The following ROBO2 variants were observed in gnomAD, a reference collection of about 807,000 sequenced individuals.
ROBO2 encodes the protein roundabout guidance receptor 2, also known as roundabout homolog 2.
Under a neutral mutation model 160.8 loss-of-function variants are expected in ROBO2, and 53 were observed. The observed-to-expected ratio is 0.33, with a 90% CI of 0.26 to 0.41. ROBO2 has a LOEUF of 0.41. Ranked by LOEUF, ROBO2 falls within the 10% of genes least tolerant of loss-of-function variation. The pLI is 1.00. For missense variants in ROBO2, 1,577 were observed against 1,722.4 expected, an observed-to-expected ratio of 0.92 and a Z score of 1.49; for synonymous variants, 664 against 611.7, an observed-to-expected ratio of 1.09 and a Z score of -1.26.
intron 1 of ROBO2, among the ~76,000 whole-genome samples, chr3:75,908,358 A>G (rs1946437080): frequency 6.6e-6 from 1 of 152,128 alleles, no homozygotes; most frequent in Non-Finnish European, 1.5e-5. Context: ...CAACAAATAA[A>G]ACTTGCATAT....
intron 2 of ROBO2, among the ~76,000 whole-genome samples, chr3:76,615,455 A>G (rs975999949): frequency 4.6e-5 from 7 of 152,144 alleles, no homozygotes; most frequent in African/African-American, 1.4e-4. Flanking sequence ...CCTTTTTAGT[A>G]CCATGAAATT....
intron 2 of ROBO2, among the ~76,000 whole-genome samples, chr3:77,437,526 A>T (rs1464770407): frequency 1.3e-5 from 2 of 151,970 alleles, no homozygotes; most frequent in Non-Finnish European, 2.9e-5. Flanking sequence ...AGCAAACTTT[A>T]CTGCCTATTA....
intron 2 of ROBO2, among the ~76,000 whole-genome samples, chr3:77,293,745 G>C: frequency 7.0e-6 from 1 of 142,190 alleles, no homozygotes; most frequent in Non-Finnish European, 1.5e-5. Context: ...CGGGTAAGCT[G>C]AGGCTAGATC....
chr3:76,077,131 G>A (rs1232505252), intron 2 of ROBO2, among the ~76,000 whole-genome samples: 2 of 152,118 alleles, frequency 1.3e-5, no homozygotes, highest in East Asian at 1.9e-4. Context: ...AGTATGAATG[G>A]CAACTTCAAT....
chr3:76,879,941 G>C (rs943975246), intron 2 of ROBO2, among the ~76,000 whole-genome samples: 1 of 151,986 alleles, frequency 6.6e-6, no homozygotes, highest in Non-Finnish European at 1.5e-5. Flanking sequence ...AAATGCATTG[G>C]GTTTCTGATG....
chr3:76,446,054 A>G (rs1449481886), intron 2 of ROBO2, among the ~76,000 whole-genome samples: 1 of 152,144 alleles, frequency 6.6e-6, no homozygotes, highest in East Asian at 1.9e-4. Context: ...ATCAGGCAGG[A>G]GAAAGAAATA....
At chr3:77,222,303 G>A (rs919143089) in intron 2 of ROBO2, among the ~76,000 whole-genome samples, 1 of 152,158 alleles carries the variant, frequency 6.6e-6, no homozygotes, top group Non-Finnish European at 1.5e-5. Context: ...GAATAATTAG[G>A]TATAGAGAAT....
intron 2 of ROBO2, among the ~76,000 whole-genome samples, chr3:77,261,781 T>G (rs2058791797): frequency 6.6e-6 from 1 of 151,710 alleles, no homozygotes; most frequent in Non-Finnish European, 1.5e-5. Flanking sequence ...TTTTTTTTTT[T>G]TTTTGTAAGA....
chr3:77,602,252 C>T lies in ROBO2; in HGVS notation c.2897C>T (p.Thr966Met), dbSNP rs767565581. 3.7e-5 allele frequency: 59 copies of T among 1,614,018 alleles called. No individual in the cohort carries two copies. Among genetic ancestry groups the T allele is most frequent in the South Asian group, 2.1e-4 (19 of 91,084 alleles). ...CCAGGCCAAGGGGATAAAACAGCAA[C>T]GATGCTCTCAGATGGAGCCATTTAT... Residue 966 changes from threonine to methionine, a missense_variant, in exon 20 of 26, where the codon ACG becomes ATG. By Grantham distance (81) the Thr-to-Met change is moderately conservative. This residue lies in a region of ROBO2 where 637 missense variants were observed against 586.9 expected (regional missense o/e 1.09). Coordinates refer to ENST00000461745, the Ensembl canonical transcript of ROBO2.
chr3:77,557,554 T>A (rs1194483509), intron 8 of ROBO2, among the ~76,000 whole-genome samples: 1 of 151,964 alleles, frequency 6.6e-6, no homozygotes, highest in Non-Finnish European at 1.5e-5. Flanking sequence ...TTCTTAAATA[T>A]GCATATGAGA....
At chr3:76,193,627 T>C (rs1410420946) in intron 2 of ROBO2, among the ~76,000 whole-genome samples, 1 of 152,240 alleles carries the variant, frequency 6.6e-6, no homozygotes, top group Non-Finnish European at 1.5e-5. Context: ...CTTGTTGGCA[T>C]ATGCCCATAG....
At chr3:76,575,261 G>A (rs530885409) in intron 2 of ROBO2, among the ~76,000 whole-genome samples, 2 of 152,016 alleles carry the variant, frequency 1.3e-5, no homozygotes, top group East Asian at 3.9e-4. Context: ...GTGCAACATG[G>A]AAGATGATTT....
At chr3:77,495,298 CA>C (rs1173465200) in intron 5 of ROBO2, among the ~76,000 whole-genome samples, 1 of 152,074 alleles carries the variant, frequency 6.6e-6, no homozygotes, top group Non-Finnish European at 1.5e-5. Context: ...AGGAAAGTTA[CA>C]AAAGTTAGTA....
At chr3:76,468,733 C>T (rs2078489131) in intron 2 of ROBO2, among the ~76,000 whole-genome samples, 1 of 152,000 alleles carries the variant, frequency 6.6e-6, no homozygotes, top group Non-Finnish European at 1.5e-5. Context: ...TTTTTCTCTC[C>T]CATGTCCTCT....
chr3:76,152,169 T>C (rs887495867), intron 2 of ROBO2, among the ~76,000 whole-genome samples: 1 of 152,192 alleles, frequency 6.6e-6, no homozygotes, highest in Non-Finnish European at 1.5e-5. Flanking sequence ...GCCCCAGGGC[T>C]GAACTGAGGG....
chr3:76,212,953 A>C (rs958652661), intron 2 of ROBO2, among the ~76,000 whole-genome samples: 2 of 151,488 alleles, frequency 1.3e-5, no homozygotes, highest in Admixed American at 1.3e-4. Flanking sequence ...GAATTTCTCA[A>C]GGGTAAAGGT....
intron 2 of ROBO2, among the ~76,000 whole-genome samples, chr3:76,546,551 A>G (rs746929525): frequency 1.3e-5 from 2 of 151,928 alleles, no homozygotes; most frequent in Non-Finnish European, 2.9e-5. Flanking sequence ...AAGAAGAGGA[A>G]GAAGGGAGCC....
At chr3:77,363,451 G>A (rs796386435) in intron 2 of ROBO2, among the ~76,000 whole-genome samples, 4 of 152,216 alleles carry the variant, frequency 2.6e-5, no homozygotes, top group African/African-American at 7.2e-5. Flanking sequence ...CAGGCCATAC[G>A]ATCTCTGTTG....
intron 2 of ROBO2, among the ~76,000 whole-genome samples, chr3:76,369,956 G>T (rs2076022501): frequency 2.0e-5 from 3 of 151,920 alleles, no homozygotes; most frequent in Admixed American, 2.0e-4. Context: ...AACTTTCAAT[G>T]TCTCTCCATT....
Sources: allele counts gnomAD v4.1 joint callset (sites outside exome capture counted in the v4.1 genomes callset), GRCh38; gene constraint gnomAD v4.1.1; regional missense constraint gnomAD v4.1.1; transcripts MANE v1.5; gene names NCBI Gene and HGNC (gene_info 2026-07-23, HGNC 2026-07-21).